Variants in MINPP1 observed in about 807,000 individuals in gnomAD.
The protein encoded by MINPP1 is multiple inositol polyphosphate phosphatase 1.
Under a neutral mutation model 46.1 loss-of-function variants are expected in MINPP1, and 28 were observed. That is an observed-to-expected ratio of 0.61 (90% CI 0.45 to 0.83). The LOEUF (loss-of-function observed/expected upper bound fraction) is 0.83. Ranked by LOEUF, MINPP1 falls within the 40% of genes least tolerant of loss-of-function variation. The probability of loss-of-function intolerance (pLI) is 0.00; values close to 1 mark genes in which losing one functional copy is unlikely to be tolerated. For synonymous variants in MINPP1, 268 were observed against 249.1 expected, an observed-to-expected ratio of 1.08 and a Z score of -0.72; for missense variants, 603 against 610.0, an observed-to-expected ratio of 0.99 and a Z score of 0.12.
intron 4 of MINPP1, among the ~76,000 whole-genome samples, chr10:87,551,563 GT>G (rs766592296): frequency 8.6e-5 from 13 of 152,042 alleles, no homozygotes; most frequent in Non-Finnish European, 1.8e-4. Context: ...CCTTTTTTGG[GT>G]TTTGTAAACC....
Position 87,505,530 on chromosome 10 carries a change from C to T in MINPP1, c.615C>T (p.Gly205=), listed in dbSNP as rs1193606030. ...GGCTGTGGCAGCACTACCACCCTGGCTTGCCGCCGCCGGACGTCGCAGGTG... is the reference window on the plus strand; with the variant it reads ...GGCTGTGGCAGCACTACCACCCTGGTTTGCCGCCGCCGGACGTCGCAGGTG... ...LQGLWQHYHP[G]LPPPDVADME... is the part of the protein sequence containing the mutation. Residue 205 remains glycine, a synonymous_variant, in exon 1 of 5, where the codon GGC becomes GGT. Coordinates refer to ENST00000371996, the MANE Select transcript of MINPP1 (RefSeq NM_004897.5). The surrounding 1 kb of genome is among the most constrained non-coding windows in gnomAD (Gnocchi z 4.4). 1 of 1,609,278 alleles carries T rather than the reference C, an allele frequency of 6.2e-7. No homozygotes were observed. Among genetic ancestry groups the T allele is most frequent in the African/African-American group, 1.3e-5 (1 of 75,026 alleles).
intron 4 of MINPP1, among the ~76,000 whole-genome samples, chr10:87,537,989 T>C (rs965502052): frequency 6.6e-6 from 1 of 151,946 alleles, no homozygotes; most frequent in African/African-American, 2.4e-5. Context: ...TTATTTATTT[T>C]TATTTTTTTC....
chr10:87,546,194 A>G (rs572969218), intron 4 of MINPP1, among the ~76,000 whole-genome samples: 4 of 152,350 alleles, frequency 2.6e-5, no homozygotes, highest in African/African-American at 7.2e-5. Context: ...TGGATTATTC[A>G]TGAGTTTTCT....
intron 4 of MINPP1, among the ~76,000 whole-genome samples, chr10:87,540,964 G>C (rs114992922): frequency 0.021 from 3,252 of 152,200 alleles, 130 homozygotes; most frequent in African/African-American, 0.075. Flanking sequence ...GTGTTTAAAA[G>C]TTATAAAAAC....
At chr10:87,547,577 G>T (rs1375837270) in intron 4 of MINPP1, among the ~76,000 whole-genome samples, 1 of 152,056 alleles carries the variant, frequency 6.6e-6, no homozygotes, top group Non-Finnish European at 1.5e-5. Context: ...GTATACCTGT[G>T]GTTTTGCTTT....
intron 4 of MINPP1, among the ~76,000 whole-genome samples, chr10:87,537,444 T>A (rs1321976409): frequency 6.6e-6 from 1 of 151,762 alleles, no homozygotes; most frequent in Non-Finnish European, 1.5e-5. Context: ...CTTATTTACA[T>A]CTATATATCT....
At chr10:87,508,883 TA>T (rs1851294367) in intron 2 of MINPP1, among the ~76,000 whole-genome samples, 1 of 147,252 alleles carries the variant, frequency 6.8e-6, no homozygotes, top group African/African-American at 2.6e-5. Flanking sequence ...AAAAATCATA[TA>T]AATTCTTTAG....
chr10:87,536,910 A>G (rs550768388), intron 4 of MINPP1, among the ~76,000 whole-genome samples: 1 of 152,192 alleles, frequency 6.6e-6, no homozygotes, highest in African/African-American at 2.4e-5. Context: ...AATTAGATGG[A>G]ATGGTTGAGT....
chr10:87,510,023 T>C (rs1309317900), intron 2 of MINPP1, among the ~76,000 whole-genome samples: 1 of 152,230 alleles, frequency 6.6e-6, no homozygotes, highest in East Asian at 1.9e-4. Context: ...TAATGGATTC[T>C]GGAATTGGAC....
At chr10:87,550,384 T>A (rs1851945406) in intron 4 of MINPP1, among the ~76,000 whole-genome samples, 1 of 152,176 alleles carries the variant, frequency 6.6e-6, no homozygotes, top group Admixed American at 6.5e-5. Flanking sequence ...AGAGGCTTGG[T>A]AAGCGCCTGT....
intron 4 of MINPP1, among the ~76,000 whole-genome samples, chr10:87,541,321 T>A (rs1280088710): frequency 1.3e-5 from 2 of 152,234 alleles, no homozygotes; most frequent in Non-Finnish European, 2.9e-5. Flanking sequence ...GTTTATATAT[T>A]GCTTAGTCAT....
In MINPP1 at chr10:87,520,883, G is replaced by T. The variant is rs567517394; in HGVS notation, c.934-153G>T. Among the ~76,000 whole-genome samples, 76 of 152,150 alleles carry T rather than the reference G, an allele frequency of 5.0e-4. 1 individual carries two copies. The highest frequency in any genetic ancestry group is 2.6e-3 in the Admixed American group (39 of 15,288). On this transcript the variant is annotated intron_variant, in intron 3 of 4. Transcript: ENST00000371996. ...ATCTCTCTGTGGTATGAACCTTAGG[G>T]ACCAACTCTTAAATGCTGGAAAGGA...
intron 4 of MINPP1, among the ~76,000 whole-genome samples, chr10:87,527,647 C>T (rs1231760041): frequency 6.6e-6 from 1 of 151,000 alleles, no homozygotes; most frequent in Non-Finnish European, 1.5e-5. Context: ...TGGATAAGCT[C>T]ATCAGGGATA....
intron 4 of MINPP1, among the ~76,000 whole-genome samples, chr10:87,534,045 T>A (rs1391093900): frequency 2.7e-5 from 2 of 75,270 alleles, no homozygotes; most frequent in Admixed American, 3.1e-4. Flanking sequence ...GCTAAATATT[T>A]TTTTTTTTTT....
In MINPP1 at chr10:87,552,582, G is replaced by A. The variant is rs1851980809; in HGVS notation, c.*104G>A. 1 of 1,135,598 alleles carries A rather than the reference G, an allele frequency of 8.8e-7. No homozygotes were observed. Among genetic ancestry groups the A allele is most frequent in the Non-Finnish European group, 1.3e-6 (1 of 775,548 alleles). 70.3% of individuals were successfully genotyped at this position (1,135,598 alleles called of 1,614,324 possible). A position where few individuals can be genotyped will look rare whatever the true frequency, so the allele number is the denominator to read the frequency against. On this transcript the variant is annotated 3_prime_UTR_variant, in exon 5 of 5. Transcript: ENST00000371996. Reference sequence around the variant, plus strand: ...ATTACAGGAAGCTTTTATATTACTTGAGTATTTCTGTCTTTTCACAGAAAA... The same window carrying A: ...ATTACAGGAAGCTTTTATATTACTTAAGTATTTCTGTCTTTTCACAGAAAA...
intron 4 of MINPP1, among the ~76,000 whole-genome samples, chr10:87,545,733 G>T (rs1166499390): frequency 2.8e-5 from 4 of 142,274 alleles, no homozygotes; most frequent in African/African-American, 9.8e-5. Flanking sequence ...GCATGAAATA[G>T]ATCACATCGA....
chr10:87,523,701 A>G (rs1041439440), intron 4 of MINPP1, among the ~76,000 whole-genome samples: 1 of 152,126 alleles, frequency 6.6e-6, no homozygotes, highest in Non-Finnish European at 1.5e-5. Context: ...TTATAATGAA[A>G]TCAAAATTAC....
intron 1 of MINPP1, among the ~76,000 whole-genome samples, chr10:87,507,395 G>T (rs1386131198): frequency 1.3e-5 from 2 of 152,150 alleles, no homozygotes; most frequent in African/African-American, 4.8e-5. Flanking sequence ...AGGTGACAAA[G>T]TTCGCTTATT....
At chr10:87,522,403 T>G (rs1851514984) in intron 4 of MINPP1, among the ~76,000 whole-genome samples, 1 of 152,178 alleles carries the variant, frequency 6.6e-6, no homozygotes, top group East Asian at 1.9e-4. Flanking sequence ...TTAAAACAGT[T>G]TGAGAAATAA....
Sources: allele counts gnomAD v4.1 joint callset (sites outside exome capture counted in the v4.1 genomes callset), GRCh38; gene constraint gnomAD v4.1.1; non-coding constraint Gnocchi (gnomAD v3.1); transcripts MANE v1.5; gene names NCBI Gene and HGNC (gene_info 2026-07-23, HGNC 2026-07-21).